The following UBE3C variants were observed in gnomAD, a reference collection of about 807,000 sequenced individuals.
UBE3C encodes ubiquitin-protein ligase E3C.
A neutral mutation model predicts 129.4 loss-of-function variants in UBE3C; 42 were observed. The ratio of observed to expected loss-of-function variants is 0.32; its 90% CI spans 0.25 to 0.42. The LOEUF (loss-of-function observed/expected upper bound fraction) is 0.42. Ranked by LOEUF, UBE3C falls within the 10% of genes least tolerant of loss-of-function variation. The pLI, the probability that UBE3C is intolerant of heterozygous loss-of-function variation, is 1.00. For synonymous variants in UBE3C, 510 were observed against 492.4 expected, an observed-to-expected ratio of 1.04 and a Z score of -0.47; for missense variants, 1,049 against 1,319.1, an observed-to-expected ratio of 0.80 and a Z score of 3.17.
chr7:157,201,064 C>T (rs531838527), intron 10 of UBE3C, among the ~76,000 whole-genome samples: 1 of 152,266 alleles, frequency 6.6e-6, no homozygotes, highest in African/African-American at 2.4e-5. Context: ...TGGCACACAC[C>T]TGTAATCCCA....
intron 17 of UBE3C, among the ~76,000 whole-genome samples, chr7:157,229,495 T>G (rs1179239140): frequency 6.6e-6 from 1 of 152,118 alleles, no homozygotes. Flanking sequence ...TTTTTTGTAT[T>G]TAGTAGAGAC....
chr7:157,186,434 T>C (rs1308935679), intron 9 of UBE3C, among the ~76,000 whole-genome samples: 1 of 151,532 alleles, frequency 6.6e-6, no homozygotes, highest in African/African-American at 2.4e-5. Flanking sequence ...AAAAAATTTA[T>C]GTAATACTCT....
chr7:157,265,037 T>C (rs1797039808), intron 22 of UBE3C, among the ~76,000 whole-genome samples: 2 of 152,228 alleles, frequency 1.3e-5, no homozygotes, highest in African/African-American at 2.4e-5. Context: ...ACTTTCTGTT[T>C]TTTAGTTGTT....
intron 2 of UBE3C, among the ~76,000 whole-genome samples, chr7:157,168,714 C>T (rs915295113): frequency 1.3e-5 from 2 of 152,172 alleles, no homozygotes; most frequent in African/African-American, 4.8e-5. Flanking sequence ...TGTATGATTC[C>T]ATTATATGAA....
At chr7:157,203,148 A>C (rs1809337104) in intron 11 of UBE3C, among the ~76,000 whole-genome samples, 2 of 152,336 alleles carry the variant, frequency 1.3e-5, no homozygotes, top group East Asian at 1.9e-4. Context: ...GTTCATACTA[A>C]TGAAAGGGGA....
At chr7:157,198,530 G>A in intron 10 of UBE3C, 1 of 326,522 alleles carries the variant, frequency 3.1e-6, no homozygotes, top group Non-Finnish European at 5.7e-6. Context: ...GGCTGTATTT[G>A]TCTTTTTTTT....
intron 10 of UBE3C, among the ~76,000 whole-genome samples, chr7:157,193,412 C>T (rs1809029049): frequency 6.6e-6 from 1 of 152,156 alleles, no homozygotes; most frequent in Non-Finnish European, 1.5e-5. Context: ...GGATGCCATG[C>T]TGTGGTGGCC....
chr7:157,181,404 A>G, intron 6 of UBE3C, 114 bp from the exon 7 acceptor site: 3 of 896,258 alleles, frequency 3.3e-6, no homozygotes, highest in Non-Finnish European at 4.9e-6. Flanking sequence ...CATGTTAAAG[A>G]ACTAACTTAA....
rs766901304 is a variant in UBE3C at position 157,207,441 on chromosome 7, A to T, written c.1462A>T (p.Met488Leu). ...TCAGGTGATATCCAGGGGTTCTCCT[A>T]TGTCTTTTGAAGATTCTAGTCGAAT... Reference protein sequence around the residue: ...LLQVISRGSPMSFEDSSRIIP... With the variant: ...LLQVISRGSPLSFEDSSRIIP... The change falls in exon 12 of 23, where the codon ATG (methionine) becomes TTG (leucine). Residue 488 changes from methionine to leucine, a missense_variant. This residue lies in a region of UBE3C where 314 missense variants were observed against 416.9 expected (regional missense o/e 0.75). Coordinates refer to ENST00000348165, the MANE Select transcript of UBE3C (RefSeq NM_014671.3). 1 of 1,613,746 alleles carries T rather than the reference A, an allele frequency of 6.2e-7. No homozygotes were observed. Among genetic ancestry groups the T allele is most frequent in the Admixed American group, 1.7e-5 (1 of 59,950 alleles).
At chr7:157,150,853 T>A (rs1438880295) in intron 1 of UBE3C, among the ~76,000 whole-genome samples, 7 of 152,208 alleles carry the variant, frequency 4.6e-5, no homozygotes, top group Non-Finnish European at 1.0e-4. Context: ...CTTAAAGCAA[T>A]ACGTTTTTGT....
Position 157,207,757 on chromosome 7 carries a change from T to C in UBE3C, c.1631T>C (p.Met544Thr). 2 of 1,614,178 alleles carry C rather than the reference T, an allele frequency of 1.2e-6. No homozygotes were observed. Among genetic ancestry groups the C allele is most frequent in the East Asian group, 2.2e-5 (1 of 44,882 alleles). Residue 544 changes from methionine (M) to threonine (T), a missense_variant, in exon 13 of 23, where the codon ATG becomes ACG. Transcript: ENST00000348165. ...CCTTTTACTTTAGAAGAGCTGATAA[T>C]GTTGTCTCGATGCCTTCGAGATGCA... ...MMPFTLEELI[M>T]LSRCLRDACL... is the part of the protein sequence containing the mutation.
At chr7:157,148,698 A>G (rs1485286903) in intron 1 of UBE3C, among the ~76,000 whole-genome samples, 1 of 152,092 alleles carries the variant, frequency 6.6e-6, no homozygotes, top group East Asian at 1.9e-4. Flanking sequence ...GGCATCAAAT[A>G]AAGTCAAAAT....
intron 13 of UBE3C, among the ~76,000 whole-genome samples, chr7:157,210,821 T>A (rs993359957): frequency 6.6e-6 from 1 of 152,214 alleles, no homozygotes; most frequent in African/African-American, 2.4e-5. Context: ...CCTATCATGG[T>A]CCTCCCAAAG....
At chr7:157,176,581 A>C (rs1436642385) in intron 5 of UBE3C, among the ~76,000 whole-genome samples, 8 of 152,210 alleles carry the variant, frequency 5.3e-5, no homozygotes, top group African/African-American at 1.4e-4. Flanking sequence ...AGCCAAACCC[A>C]TGTTTCTTTA....
chr7:157,157,994 A>G lies in UBE3C; in HGVS notation c.67-5816A>G, dbSNP rs1265068357. Among the ~76,000 whole-genome samples, 9 of 150,030 alleles carry G rather than the reference A, an allele frequency of 6.0e-5. No homozygotes were observed. The South Asian group carries it at 1.7e-3, about 28-fold the overall frequency. On this transcript the variant is annotated intron_variant, in intron 1 of 22. Coordinates refer to ENST00000348165, the MANE Select transcript of UBE3C (RefSeq NM_014671.3). The stretch of plus-strand genomic sequence containing the variant: ...TATAGATATATATATATATAGAGAG[A>G]GAGAGAGAGAGATACATATAAACAT...
intron 13 of UBE3C, among the ~76,000 whole-genome samples, chr7:157,215,041 C>T (rs138820394): frequency 1.7e-4 from 26 of 152,304 alleles, no homozygotes; most frequent in African/African-American, 4.8e-4. Context: ...TGAAGAAGGA[C>T]GGTATTTCCA....
intron 19 of UBE3C, among the ~76,000 whole-genome samples, chr7:157,248,989 C>T (rs1304069980): frequency 6.6e-6 from 1 of 152,186 alleles, no homozygotes; most frequent in Non-Finnish European, 1.5e-5. Flanking sequence ...GTGTTCATTA[C>T]CCATCTGGTT....
chr7:157,237,318 G>C (rs1343101521), intron 18 of UBE3C, among the ~76,000 whole-genome samples: 8 of 152,052 alleles, frequency 5.3e-5, no homozygotes, highest in Non-Finnish European at 1.5e-5. Context: ...GCGGGCGCCT[G>C]TAGTCCCAGC....
At chr7:157,171,494 T>C (rs1174051444) in intron 4 of UBE3C, among the ~76,000 whole-genome samples, 3 of 151,644 alleles carry the variant, frequency 2.0e-5, no homozygotes, top group African/African-American at 7.3e-5. Context: ...TTGTAGGCTG[T>C]TGATCTTATC....
Sources: allele counts gnomAD v4.1 joint callset (sites outside exome capture counted in the v4.1 genomes callset), GRCh38; gene constraint gnomAD v4.1.1; regional missense constraint gnomAD v4.1.1; transcripts MANE v1.5; gene names NCBI Gene and HGNC (gene_info 2026-07-23, HGNC 2026-07-21).